SLC15A1: variants seen among roughly 807,000 people sequenced by gnomAD.
The protein encoded by SLC15A1 is Caco-2 oligopeptide transporter.
In SLC15A1, 83 loss-of-function variants were observed where a neutral mutation model predicts 92.9. The observed-to-expected ratio is 0.89, with a 90% CI of 0.75 to 1.07. SLC15A1 has a LOEUF of 1.07. SLC15A1 is among the 50% of genes least tolerant of loss of function. The pLI is 0.00. For synonymous variants in SLC15A1, 322 were observed against 318.2 expected, an observed-to-expected ratio of 1.01 and a Z score of -0.13; for missense variants, 857 against 880.1, an observed-to-expected ratio of 0.97 and a Z score of 0.33.
chr13:98,724,155 T>A, intron 4 of SLC15A1, 124 bp from the exon 5 acceptor site: 1 of 1,235,440 alleles, frequency 8.1e-7, no homozygotes, highest in Non-Finnish European at 1.1e-6. Flanking sequence ...CACTTATTTC[T>A]CAAACTTGAG....
Position 98,684,829 on chromosome 13 carries a change from G to A in SLC15A1, c.2022C>T (p.Asn674=), listed in dbSNP as rs2139556816. Residue 674 remains asparagine, a synonymous_variant, in exon 23 of 23, where the codon AAC becomes AAT. Transcript: ENST00000376503. The part of the protein sequence containing the change: ...AIMARFYTYI[N]PAEIEAQFDE... Reference sequence around the variant, plus strand: ...CAAATTGAGCTTCGATCTCCGCTGGGTTGATGTAAGTATAGAACCGAGCCA... The same window carrying A: ...CAAATTGAGCTTCGATCTCCGCTGGATTGATGTAAGTATAGAACCGAGCCA... The A allele has an allele frequency of 1.9e-6, 3 of 1,614,122 alleles. No homozygotes were observed. The highest frequency in any genetic ancestry group is 2.5e-6 in the Non-Finnish European group (3 of 1,180,030).
rs778745056 is a variant in SLC15A1, at chr13:98,721,936, C to G, written c.366-33G>C. ...AGACAGGGTGTTAGGGCCAACATGG[C>G]AGATCCTCGCAAGTAGAAGGCCTCT... On this transcript the variant is annotated intron_variant, in intron 5 of 22. Coordinates refer to ENST00000376503, the MANE Select transcript of SLC15A1 (RefSeq NM_005073.4). 3 of 1,570,114 alleles carry G rather than the reference C, an allele frequency of 1.9e-6. No individual in the cohort carries two copies. The South Asian group carries it at 3.4e-5, about 18-fold the overall frequency.
chr13:98,749,143 G>A (rs2139617563), intron 1 of SLC15A1, among the ~76,000 whole-genome samples: 1 of 152,284 alleles, frequency 6.6e-6, no homozygotes, highest in Non-Finnish European at 1.5e-5. Context: ...CAGCTGCCCT[G>A]GTACTTCAAT....
intron 1 of SLC15A1, among the ~76,000 whole-genome samples, chr13:98,738,890 C>G (rs540285919): frequency 4.6e-5 from 7 of 152,202 alleles, no homozygotes; most frequent in Non-Finnish European, 1.0e-4. Flanking sequence ...CTTGCACTCT[C>G]AGCATATAAA....
intron 1 of SLC15A1, among the ~76,000 whole-genome samples, chr13:98,749,785 A>C (rs932278304): frequency 6.6e-6 from 1 of 152,242 alleles, no homozygotes. Flanking sequence ...CAAGCTAAGA[A>C]GAATGTAAGC....
chr13:98,741,506 C>T (rs2139609472), intron 1 of SLC15A1, among the ~76,000 whole-genome samples: 1 of 152,194 alleles, frequency 6.6e-6, no homozygotes, highest in East Asian at 1.9e-4. Flanking sequence ...GAGGTCGAGG[C>T]AGGTGGATCA....
At chr13:98,715,734 TAGA>T in intron 9 of SLC15A1, 141 bp downstream of exon 9, 1 of 644,304 alleles carries the variant, frequency 1.6e-6, no homozygotes, top group South Asian at 2.1e-5. Flanking sequence ...TTTTTGCATT[TAGA>T]AGAAGCTACA....
intron 1 of SLC15A1, among the ~76,000 whole-genome samples, chr13:98,727,077 G>C (rs567632411): frequency 2.6e-5 from 4 of 152,126 alleles, no homozygotes; most frequent in Non-Finnish European, 4.4e-5. Flanking sequence ...GGCAATTCTC[G>C]TATGCAGTCA....
At chr13:98,715,197 CAG>C (rs2088203449) in intron 9 of SLC15A1, among the ~76,000 whole-genome samples, 1 of 152,090 alleles carries the variant, frequency 6.6e-6, no homozygotes, top group African/African-American at 2.4e-5. Flanking sequence ...TGTTTTGAGA[CAG>C]AGTCTCCCTC....
intron 8 of SLC15A1, among the ~76,000 whole-genome samples, chr13:98,718,835 G>GTC (rs1555323892): frequency 6.6e-6 from 1 of 152,082 alleles, no homozygotes; most frequent in Non-Finnish European, 1.5e-5. Flanking sequence ...TAGAGGTAGG[G>GTC]TCTCTCTCTG....
At position 98,713,819 on chromosome 13, in the gene SLC15A1, G is replaced by A. The variant is rs551789676; in HGVS notation, c.724-1235C>T. On this transcript the variant is annotated intron_variant, in intron 9 of 22. Transcript: ENST00000376503. ...CCCAGCACTTCAGGAGGCTGAGGTG[G>A]GCGGATCACTTGAGACCAGGAGTTC... Among the ~76,000 whole-genome samples, 3 of 152,268 alleles carry A rather than the reference G, an allele frequency of 2.0e-5. No homozygotes were observed. The East Asian group carries it at 5.8e-4, about 29-fold the overall frequency.
At position 98,684,763 on chromosome 13, in the gene SLC15A1, T is replaced by C. The variant is rs373900981; in HGVS notation, c.2088A>G (p.Pro696=). The part of the protein sequence containing the change: ...EKKNRLEKSN[P]YFMSGANSQK... ...GTGAATTGGCCCCTGACATGAAATA[T>C]GGGTTACTCTTTTCCAGTCTGTTTT... The change falls in exon 23 of 23, where the codon CCA becomes CCG. Residue 696 remains proline, a synonymous_variant. Transcript: ENST00000376503. 2 of 1,614,030 alleles carry C rather than the reference T, an allele frequency of 1.2e-6. No homozygotes were observed. The highest frequency in any genetic ancestry group is 8.5e-7 in the Non-Finnish European group (1 of 1,180,012).
intron 7 of SLC15A1, 32 bp downstream of exon 7, chr13:98,721,463 A>G (rs1459848019): frequency 2.0e-6 from 3 of 1,493,676 alleles, no homozygotes. Context: ...CTAAAAAAAG[A>G]CCAACAGAAG....
chr13:98,688,723 A>G, intron 18 of SLC15A1, 146 bp from the exon 19 acceptor site: 1 of 646,072 alleles, frequency 1.5e-6, no homozygotes, highest in South Asian at 2.0e-5. Context: ...TAAAGACAAA[A>G]AGTGAAAAAC....
At chr13:98,714,675 A>AATGAAATATAAT (rs1373740184) in intron 9 of SLC15A1, among the ~76,000 whole-genome samples, 1 of 150,180 alleles carries the variant, frequency 6.7e-6, no homozygotes, top group African/African-American at 2.5e-5. Flanking sequence ...AAAAAAAAGA[A>AATGAAATATAAT]ATGAAATATA....
intron 8 of SLC15A1, among the ~76,000 whole-genome samples, chr13:98,716,472 A>G (rs536292396): frequency 1.3e-5 from 2 of 152,092 alleles, no homozygotes; most frequent in East Asian, 3.9e-4. Context: ...AAACACAAAA[A>G]TTAGCTGGGT....
chr13:98,700,484 C>CA (rs56342746), intron 18 of SLC15A1, among the ~76,000 whole-genome samples: 5,212 of 50,842 alleles, frequency 0.1, 430 homozygotes, highest in Non-Finnish European at 0.11. Flanking sequence ...GACCCTGTCT[C>CA]AAAAAAAAAA....
chr13:98,702,730 A>T (rs2088078087), intron 17 of SLC15A1, among the ~76,000 whole-genome samples: 2 of 151,988 alleles, frequency 1.3e-5, no homozygotes, highest in Admixed American at 6.6e-5. Context: ...CTAAGGCAGG[A>T]GGATCACTTG....
chr13:98,748,961 G>A (rs1034721669), intron 1 of SLC15A1, among the ~76,000 whole-genome samples: 2 of 152,186 alleles, frequency 1.3e-5, no homozygotes, highest in African/African-American at 4.8e-5. Context: ...TAAGCCTGAT[G>A]CATGTTCAAG....
Sources: gnomAD v4.1 joint callset for allele counts (sites outside exome capture counted in the v4.1 genomes callset) on GRCh38, gnomAD v4.1.1 for gene constraint, MANE v1.5 for transcripts, NCBI Gene and HGNC (gene_info 2026-07-23, HGNC 2026-07-21) for gene names.